The following PRRC2A variants were observed in gnomAD, a reference collection of about 807,000 sequenced individuals.
PRRC2A encodes the protein proline rich coiled-coil 2A.
A neutral mutation model predicts 224.6 loss-of-function variants in PRRC2A; 59 were observed. The observed-to-expected ratio is 0.26, with a 90% confidence interval of 0.21 to 0.33. The LOEUF is 0.33. Among genes scored for constraint, PRRC2A ranks in the 10% least tolerant of loss-of-function variants. The probability of loss-of-function intolerance (pLI) is 1.00; values close to 1 mark genes in which losing one functional copy is unlikely to be tolerated. For missense variants in PRRC2A, 3,095 were observed against 2,880.7 expected, an observed-to-expected ratio of 1.07 and a Z score of -1.70; for synonymous variants, 1,194 against 1,109.5, an observed-to-expected ratio of 1.08 and a Z score of -1.51.
rs2150500778 is a variant in PRRC2A at position 31,625,856 on chromosome 6, C to G, written c.824C>G (p.Thr275Ser). The G allele has an allele frequency of 6.3e-7, 1 of 1,588,694 alleles. No homozygotes were observed. Among genetic ancestry groups the G allele is most frequent in the African/African-American group, 1.3e-5 (1 of 74,444 alleles). ...CCCCAGGGGCCTTACCGATACCCCA[C>G]TCCTGATGGGCCCAGGTGAGCAATC... Reference protein sequence around the residue: ...YGPQGPYRYPTPDGPSRFPRV... With the variant: ...YGPQGPYRYPSPDGPSRFPRV... Residue 275 changes from threonine to serine, a missense_variant, in exon 8 of 31, where the codon ACT becomes AGT. By Grantham distance (58) the Thr-to-Ser change is moderately conservative (BLOSUM62 1). Transcript: ENST00000376033. The surrounding 1 kb of genome is among the most constrained non-coding windows in gnomAD (Gnocchi z 4.1).
rs1214836204 is a variant in PRRC2A at position 31,628,150 on chromosome 6, C to T, written c.1676C>T (p.Pro559Leu). The change falls in exon 12 of 31, where the codon CCT (proline) becomes CTT (leucine). Residue 559 changes from proline (P) to leucine (L), a missense_variant. By Grantham distance (98) the Pro-to-Leu change is moderately conservative. Transcript: ENST00000376033. ...CAGGCCCCTCCTGCCCAATCTACTCCTACTCCAGGTGTGGCTGCGGCTCCC... is the reference window on the plus strand; with the variant it reads ...CAGGCCCCTCCTGCCCAATCTACTCTTACTCCAGGTGTGGCTGCGGCTCCC... ...PAQAPPAQST[P>L]TPGVAAAPTL... 19 of 1,613,130 alleles carry T rather than the reference C, an allele frequency of 1.2e-5. No homozygotes were observed. The highest frequency in any genetic ancestry group is 1.7e-5 in the Admixed American group (1 of 60,028).
Position 31,628,235 on chromosome 6 carries a change from C to T in PRRC2A, c.1761C>T (p.Ser587=). ...CCAGCAGTGGCAGCTTCGAAGCCAG[C>T]CCAGGTATGGAGATGGGGATAGGTA... is the stretch of plus-strand genomic sequence containing the variant. ...SSTSSGSFEA[S]PVEPQLPSKE... is the part of the protein sequence containing the mutation. The change falls in exon 12 of 31, where the codon AGC becomes AGT. Residue 587 remains serine, a synonymous_variant. Coordinates refer to ENST00000376033, the MANE Select transcript of PRRC2A (RefSeq NM_004638.4). 1.2e-6 allele frequency: 2 copies of T among 1,608,630 alleles called. No homozygotes were observed. Among genetic ancestry groups the T allele is most frequent in the Non-Finnish European group, 8.5e-7 (1 of 1,178,980 alleles).
intron 1 of PRRC2A, among the ~76,000 whole-genome samples, chr6:31,621,917 C>T (rs1474693002): frequency 7.2e-5 from 11 of 152,210 alleles, no homozygotes; most frequent in Non-Finnish European, 1.0e-4. Flanking sequence ...GGCCTTGGCC[C>T]TCTGTTTTCT....
rs372160042 is a variant in PRRC2A at position 31,637,595 on chromosome 6, C to T, written c.*9C>T. ...TGCCCCCACCCCGCTGAGGGAGTTC[C>T]TCTTGCCCCCTACCCCCGGGGCTTG... On this transcript the variant is annotated 3_prime_UTR_variant, in exon 31 of 31. Coordinates refer to ENST00000376033, the MANE Select transcript of PRRC2A (RefSeq NM_004638.4). 4.2e-4 allele frequency: 626 copies of T among 1,478,582 alleles called. 2 individuals carry two copies. The highest frequency in any genetic ancestry group is 4.1e-3 in the Middle Eastern group (18 of 4,418). The allele number at this position is 1,478,582 out of a possible 1,614,324, so 91.6% of individuals were successfully genotyped here.
At chr6:31,621,194 C>T (rs1179144602) in intron 1 of PRRC2A, among the ~76,000 whole-genome samples, 1 of 87,990 alleles carries the variant, frequency 1.1e-5, no homozygotes, top group African/African-American at 3.9e-5. Flanking sequence ...GGCCCCCTCC[C>T]CGGCTGCCGC....
At chr6:31,628,781 C>T (rs115054168) in intron 12 of PRRC2A, 3,055 of 245,286 alleles carry the variant, frequency 0.012, 54 homozygotes, top group African/African-American at 0.044. Context: ...GCAGAGATTT[C>T]TGTGAGCCAA....
chr6:31,621,536 T>C (rs949792753), intron 1 of PRRC2A, among the ~76,000 whole-genome samples: 1 of 152,080 alleles, frequency 6.6e-6, no homozygotes, highest in African/African-American at 2.4e-5. Context: ...CCTGCTTTCG[T>C]ATTCATTATT....
In PRRC2A at chr6:31,636,146, G is replaced by T. The variant is rs1443417308; in HGVS notation, c.5625-63G>T. The T allele has an allele frequency of 2.6e-6, 4 of 1,566,346 alleles. No individual in the cohort carries two copies. The African/African-American group carries it at 5.4e-5, about 21-fold the overall frequency. ...AGTTCTAGGGTACTAGAAGCTAGTG[G>T]ACTTAAGGCATTGCTAGGACTCTGG... On this transcript the variant is annotated intron_variant, in intron 25 of 30. Transcript: ENST00000376033. The surrounding 1 kb of genome is among the most constrained non-coding windows in gnomAD (Gnocchi z 4.3).
Position 31,636,637 on chromosome 6 carries a change from A to G in PRRC2A, c.5934+29A>G. ...TATTGTATCTTCACACTTCCCCTTCATTTGATTTCTCTGTCCAGTTGCTGG... is the reference window on the plus strand; with the variant it reads ...TATTGTATCTTCACACTTCCCCTTCGTTTGATTTCTCTGTCCAGTTGCTGG... On this transcript the variant is annotated intron_variant, in intron 27 of 30. Coordinates refer to ENST00000376033, the MANE Select transcript of PRRC2A (RefSeq NM_004638.4). The surrounding 1 kb of genome is among the most constrained non-coding windows in gnomAD (Gnocchi z 4.3). The G allele has an allele frequency of 6.3e-7, 1 of 1,588,154 alleles. No individual in the cohort carries two copies. The highest frequency in any genetic ancestry group is 8.6e-7 in the Non-Finnish European group (1 of 1,163,314).
rs767406662 is a variant in PRRC2A at position 31,635,160 on chromosome 6, C to G, written c.5189C>G (p.Pro1730Arg). Reference sequence around the variant, plus strand: ...CTGCCCCGGGAGCAGCCTCTGCCCCCTGGCCCCATTGGCACAGAACGATCA... The same window carrying G: ...CTGCCCCGGGAGCAGCCTCTGCCCCGTGGCCCCATTGGCACAGAACGATCA... The part of the protein sequence containing the change: ...KELPREQPLP[P>R]GPIGTERSQR... The change falls in exon 22 of 31, where the codon CCT becomes CGT. Residue 1730 changes from proline (P) to arginine (R), a missense_variant. Transcript: ENST00000376033. The G allele has an allele frequency of 1.2e-6, 2 of 1,612,808 alleles. No individual in the cohort carries two copies. Among genetic ancestry groups the G allele is most frequent in the African/African-American group, 2.7e-5 (2 of 75,012 alleles).
At chr6:31,623,941 G>C in intron 3 of PRRC2A, 32 bp downstream of exon 3, 1 of 1,607,898 alleles carries the variant, frequency 6.2e-7, no homozygotes, top group Non-Finnish European at 8.5e-7. Context: ...CTAGAGTGAT[G>C]GGTATTTTAA....
At chr6:31,628,699 A>G (rs1386488429) in intron 12 of PRRC2A, 7 of 214,582 alleles carry the variant, frequency 3.3e-5, no homozygotes, top group Non-Finnish European at 6.5e-5. Flanking sequence ...AAATTAGCCA[A>G]GTGTGGTGGC....
chr6:31,636,229 C>A lies in PRRC2A; in HGVS notation c.5645C>A (p.Pro1882His), dbSNP rs1432133502. Reference sequence around the variant, plus strand: ...TTCAGATCACAGCCCCTATACCTACCCCCCGGCCCAGCCCCTCCCTCAGCA... The same window carrying A: ...TTCAGATCACAGCCCCTATACCTACACCCCGGCCCAGCCCCTCCCTCAGCA... ...HPYRSQPLYL[P>H]PGPAPPSALL... Residue 1882 changes from proline to histidine, a missense_variant, in exon 26 of 31, where the codon CCC becomes CAC. Around this residue, in one of 8 missense-constraint regions of PRRC2A, gnomAD observed 662 missense variants for 609.5 expected, o/e 1.09. Coordinates refer to ENST00000376033, the MANE Select transcript of PRRC2A (RefSeq NM_004638.4). The surrounding 1 kb of genome is among the most constrained non-coding windows in gnomAD (Gnocchi z 4.3). The A allele has an allele frequency of 6.2e-7, 1 of 1,612,778 alleles. No homozygotes were observed. Among genetic ancestry groups the A allele is most frequent in the South Asian group, 1.1e-5 (1 of 91,074 alleles).
At chr6:31,629,408 A>G (rs1380930053) in intron 13 of PRRC2A, 74 bp downstream of exon 13, 2 of 1,504,470 alleles carry the variant, frequency 1.3e-6, no homozygotes. Flanking sequence ...TTCATAAGTT[A>G]CCTTCTGGGT....
Position 31,631,837 on chromosome 6 carries a change from G to A in PRRC2A, c.3164G>A (p.Arg1055His), listed in dbSNP as rs747263936. 3.6e-5 allele frequency: 57 copies of A among 1,601,142 alleles called. No individual in the cohort carries two copies. The highest frequency in any genetic ancestry group is 9.0e-5 in the East Asian group (4 of 44,574). ...RGRGARSREFRSYREFRGDDG... is the reference protein window; with the variant it reads ...RGRGARSREFHSYREFRGDDG... ...CGGGGAGCCCGAAGCCGGGAATTCCGCAGTTACCGAGAGTTTCGAGGAGAT... is the reference window on the plus strand; with the variant it reads ...CGGGGAGCCCGAAGCCGGGAATTCCACAGTTACCGAGAGTTTCGAGGAGAT... Residue 1055 changes from arginine (R) to histidine (H), a missense_variant, in exon 16 of 31, where the codon CGC becomes CAC. By Grantham distance (29) the Arg-to-His change is conservative. This residue lies in a region of PRRC2A where 2,001 missense variants were observed against 1,764.9 expected (regional missense o/e 1.13). Transcript: ENST00000376033. The surrounding 1 kb of genome is among the most constrained non-coding windows in gnomAD (Gnocchi z 4.5).
rs570176998 is a variant in PRRC2A at position 31,630,132 on chromosome 6, C to T, written c.2254+287C>T. 7.9e-5 allele frequency among the ~76,000 whole-genome samples: 12 copies of T among 152,204 alleles called. No individual in the cohort carries two copies. In the South Asian group the frequency reaches 2.1e-3, roughly 26 times the overall value. ...AGGAGTTCGAGACCACCATGGCTAA[C>T]GTGGTAAAACCCCATTTCTACTAAA... On this transcript the variant is annotated intron_variant, in intron 14 of 30. Coordinates refer to ENST00000376033, the MANE Select transcript of PRRC2A (RefSeq NM_004638.4).
Position 31,622,695 on chromosome 6 carries a change from A to C in PRRC2A, c.-95A>C, listed in dbSNP as rs1231433516. On this transcript the variant is annotated 5_prime_UTR_variant, in exon 2 of 31. Coordinates refer to ENST00000376033, the MANE Select transcript of PRRC2A (RefSeq NM_004638.4). ...TTCTGTTATGGTCTGTACAGGGGACAGAGACTGAGACACTTGCTGTCTGGC... is the reference window on the plus strand; with the variant it reads ...TTCTGTTATGGTCTGTACAGGGGACCGAGACTGAGACACTTGCTGTCTGGC... 3.5e-6 allele frequency: 3 copies of C among 863,238 alleles called. No homozygotes were observed. In the African/African-American group the frequency reaches 5.1e-5, roughly 15 times the overall value. The allele number at this position is 863,238 out of a possible 1,614,324, so 53.5% of individuals were successfully genotyped here. A position where few individuals can be genotyped will look rare whatever the true frequency, so the allele number is the denominator to read the frequency against.
rs1255619089 is a variant in PRRC2A at position 31,636,414 on chromosome 6, C to T, written c.5830C>T (p.Leu1944Phe). 3 of 1,612,876 alleles carry T rather than the reference C, an allele frequency of 1.9e-6. No individual in the cohort carries two copies. Among genetic ancestry groups the T allele is most frequent in the Non-Finnish European group, 2.5e-6 (3 of 1,179,948 alleles). The change falls in exon 26 of 31, where the codon CTT (leucine) becomes TTT (phenylalanine). Residue 1944 changes from leucine (L) to phenylalanine (F), a missense_variant. By Grantham distance (22) the Leu-to-Phe change is conservative. This residue lies in a region of PRRC2A where 662 missense variants were observed against 609.5 expected (regional missense o/e 1.09). Transcript: ENST00000376033. This position sits in a 1 kb window ranked among gnomAD's most constrained non-coding sequence, Gnocchi z 4.3. ...CPSPLPDTSL[L>F]QVRQDLPSPS... ...CAGTCCTTTGCCTGACACATCGTTG[C>T]TTCAGGTAAGAGGGGGGCAGGTATT...
At position 31,627,698 on chromosome 6, in the gene PRRC2A, G is replaced by A; in HGVS notation, c.1291-67G>A. On this transcript the variant is annotated intron_variant, in intron 11 of 30. Transcript: ENST00000376033. This position sits in a 1 kb window ranked among gnomAD's most constrained non-coding sequence, Gnocchi z 5.6. ...TGCAAGTAGCGACAGTTGATTTGTT[G>A]TAAAAGAGATGATAGAAAGCATAGT... 6.4e-7 allele frequency: 1 copy of A among 1,562,060 alleles called. No individual in the cohort carries two copies. Among genetic ancestry groups the A allele is most frequent in the Non-Finnish European group, 8.7e-7 (1 of 1,152,454 alleles).
Sources: allele counts gnomAD v4.1 joint callset (sites outside exome capture counted in the v4.1 genomes callset), GRCh38; gene constraint gnomAD v4.1.1; regional missense constraint gnomAD v4.1.1; non-coding constraint Gnocchi (gnomAD v3.1); transcripts MANE v1.5; gene names NCBI Gene and HGNC (gene_info 2026-07-23, HGNC 2026-07-21).